The following RPS6KA3 variants were observed in gnomAD, a reference collection of about 807,000 sequenced individuals.
RPS6KA3 encodes the protein ribosomal protein S6 kinase alpha-3.
Under a neutral mutation model 67.2 loss-of-function variants are expected in RPS6KA3, and 4 were observed. That is an observed-to-expected ratio of 0.06 (90% confidence interval 0.03 to 0.14). The LOEUF (loss-of-function observed/expected upper bound fraction) is 0.14. Among genes scored for constraint, RPS6KA3 ranks in the 10% least tolerant of loss-of-function variants. The pLI, the probability that RPS6KA3 is intolerant of heterozygous loss-of-function variation, is 1.00. For synonymous variants in RPS6KA3, 182 were observed against 183.7 expected (o/e 0.99, Z 0.07); for missense variants, 204 against 559.0 (o/e 0.36, Z 6.40).
chrX:20,190,984 T>G (rs540694225), intron 7 of RPS6KA3, among the ~76,000 whole-genome samples: 3 of 110,585 alleles, frequency 2.7e-5, no homozygotes, highest in African/African-American at 9.9e-5. Flanking sequence ...ACCCGTCATT[T>G]ACATTAGGCA....
intron 15 of RPS6KA3, among the ~76,000 whole-genome samples, chrX:20,171,028 C>T (rs1310181815): frequency 8.9e-6 from 1 of 111,995 alleles, no homozygotes; most frequent in Non-Finnish European, 1.9e-5. Flanking sequence ...ATCCTCCCAC[C>T]TCGGCCTCCC....
chrX:20,152,516 G>C lies in RPS6KA3; in HGVS notation c.*2882C>G, dbSNP rs1204786556. The C allele has an allele frequency of 3.6e-5, 4 of 111,900 alleles. No individual in the cohort carries two copies. Among genetic ancestry groups the C allele is most frequent in the Non-Finnish European group, 5.6e-5 (3 of 53,156 alleles). The allele number at this position is 111,900 out of a possible 1,213,427, so 9.2% of individuals were successfully genotyped here. A position where few individuals can be genotyped will look rare whatever the true frequency, so the allele number is the denominator to read the frequency against. ...TTTAAGACTGGACTGATACCTTTTG[G>C]GAGAAGCCTCAGTAACTGGCAGCAC... On this transcript the variant is annotated 3_prime_UTR_variant, in exon 22 of 22. Transcript: ENST00000379565.
chrX:20,176,379 AG>A, intron 12 of RPS6KA3, 27 bp from the exon 13 acceptor site: 2 of 1,119,972 alleles, frequency 1.8e-6, no homozygotes, highest in Non-Finnish European at 2.5e-6. Flanking sequence ...AAAGAGACTT[AG>A]ACATATTTTA....
In RPS6KA3 at chrX:20,195,163, T is replaced by C; in HGVS notation, c.326-18A>G. ...GTCTCGAACTATAAAAGATTGTATG[T>C]ATGCTACATTGTAATATCTTTCAAA... is the stretch of plus-strand genomic sequence containing the variant. On this transcript the variant is annotated intron_variant, in intron 4 of 21. Transcript: ENST00000379565. The C allele has an allele frequency of 1.0e-6, 1 of 998,802 alleles. No homozygotes were observed. Among genetic ancestry groups the C allele is most frequent in the Non-Finnish European group, 1.4e-6 (1 of 702,437 alleles). The allele number at this position is 998,802 out of a possible 1,213,427, so 82.3% of individuals were successfully genotyped here.
At chrX:20,183,414 C>T (rs1045967045) in intron 10 of RPS6KA3, among the ~76,000 whole-genome samples, 4 of 110,822 alleles carry the variant, frequency 3.6e-5, no homozygotes, top group African/African-American at 1.3e-4. Flanking sequence ...GTGATCCTCC[C>T]ACCTCAGCCT....
chrX:20,239,762 A>G (rs925303698), intron 1 of RPS6KA3, among the ~76,000 whole-genome samples: 2 of 111,547 alleles, frequency 1.8e-5, no homozygotes, highest in African/African-American at 6.5e-5. Context: ...ATTATCACCT[A>G]AGATCATCTT....
intron 1 of RPS6KA3, among the ~76,000 whole-genome samples, chrX:20,241,222 C>T (rs957475485): frequency 9.2e-6 from 1 of 108,724 alleles, no homozygotes; most frequent in African/African-American, 3.3e-5. Context: ...GTGGTTGTGG[C>T]CAAGTTTCAG....
chrX:20,176,535 G>C (rs771429540), intron 11 of RPS6KA3, 37 bp from the exon 12 acceptor site: 8 of 904,783 alleles, frequency 8.8e-6, no homozygotes, highest in East Asian at 3.1e-5. Flanking sequence ...TTTATTTCAA[G>C]GAGAAATATA....
intron 2 of RPS6KA3, among the ~76,000 whole-genome samples, chrX:20,226,816 T>C (rs939182263): frequency 8.9e-6 from 1 of 111,841 alleles, no homozygotes; most frequent in South Asian, 3.7e-4. Flanking sequence ...ATACTTTCTC[T>C]TGATTCATCA....
At chrX:20,263,396 G>T (rs901880958) in intron 1 of RPS6KA3, among the ~76,000 whole-genome samples, 1 of 112,287 alleles carries the variant, frequency 8.9e-6, no homozygotes, top group Non-Finnish European at 1.9e-5. Context: ...TCACTAAAGA[G>T]TTCACCTAGA....
At chrX:20,250,405 G>A (rs2069831429) in intron 1 of RPS6KA3, among the ~76,000 whole-genome samples, 1 of 111,290 alleles carries the variant, frequency 9.0e-6, no homozygotes, top group Non-Finnish European at 1.9e-5. Flanking sequence ...ATATTGCCCA[G>A]GCTGGACTTG....
chrX:20,250,382 A>G (rs189879086), intron 1 of RPS6KA3, among the ~76,000 whole-genome samples: 1 of 111,294 alleles, frequency 9.0e-6, no homozygotes, highest in East Asian at 2.8e-4. Flanking sequence ...TTTCCTAGAC[A>G]TAGGGCCTTG....
In RPS6KA3 at chrX:20,208,485, G is replaced by T. The variant is rs72620224; in HGVS notation, c.243+803C>A. On this transcript the variant is annotated intron_variant, in intron 3 of 21. Transcript: ENST00000379565. Reference sequence around the variant, plus strand: ...AATCCCAGCATTTTGGGAGGCCGAGGCAAGTGGATCGCTTTGAGCTCAAGA... The same window carrying T: ...AATCCCAGCATTTTGGGAGGCCGAGTCAAGTGGATCGCTTTGAGCTCAAGA... 7.1e-4 allele frequency among the ~76,000 whole-genome samples: 79 copies of T among 111,628 alleles called. 2 individuals are homozygous for T. In the East Asian group the frequency reaches 0.017, roughly 24 times the overall value.
At chrX:20,162,332 T>A in intron 19 of RPS6KA3, among the ~76,000 whole-genome samples, 1 of 93,707 alleles carries the variant, frequency 1.1e-5, no homozygotes, top group African/African-American at 4.1e-5. Context: ...CAAGACTCCG[T>A]CTCAAAAAAA....
intron 20 of RPS6KA3, among the ~76,000 whole-genome samples, chrX:20,158,195 T>A (rs370135978): frequency 9.3e-6 from 1 of 107,957 alleles, no homozygotes; most frequent in Non-Finnish European, 1.9e-5. Context: ...TGGGACTCCA[T>A]CTCTACAAAA....
At chrX:20,186,733 G>T (rs746662765) in intron 9 of RPS6KA3, among the ~76,000 whole-genome samples, 1 of 111,980 alleles carries the variant, frequency 8.9e-6, no homozygotes, top group South Asian at 3.7e-4. Context: ...GCTGGGATTA[G>T]AGGCATGGGC....
chrX:20,153,700 A>G lies in RPS6KA3; in HGVS notation c.*1698T>C, dbSNP rs979970460. The G allele has an allele frequency of 9.1e-6, 1 of 109,536 alleles. No individual in the cohort carries two copies. Among genetic ancestry groups the G allele is most frequent in the African/African-American group, 3.3e-5 (1 of 29,928 alleles). The allele number at this position is 109,536 out of a possible 1,213,427, so 9.0% of individuals were successfully genotyped here. A position where few individuals can be genotyped will look rare whatever the true frequency, so the allele number is the denominator to read the frequency against. On this transcript the variant is annotated 3_prime_UTR_variant, in exon 22 of 22. Coordinates refer to ENST00000379565, the MANE Select transcript of RPS6KA3 (RefSeq NM_004586.3). ...AATGGTGTGATCTTGGCTCACTGCA[A>G]CCACCACCTCCCAGGTTCAAGCGAT... is the stretch of plus-strand genomic sequence containing the variant.
At chrX:20,181,863 T>C (rs2067850405) in intron 10 of RPS6KA3, among the ~76,000 whole-genome samples, 1 of 111,510 alleles carries the variant, frequency 9.0e-6, no homozygotes, top group Non-Finnish European at 1.9e-5. Flanking sequence ...TTAAAGAGGC[T>C]TTGTGTTGAA....
chrX:20,188,008 T>C (rs1166912250), intron 8 of RPS6KA3, 38 bp from the exon 9 acceptor site: 1 of 1,152,604 alleles, frequency 8.7e-7, no homozygotes, highest in African/African-American at 1.8e-5. Flanking sequence ...TACATAAATT[T>C]GCACATGTAA....
Sources: allele counts gnomAD v4.1 joint callset (sites outside exome capture counted in the v4.1 genomes callset), GRCh38; gene constraint gnomAD v4.1.1; transcripts MANE v1.5; gene names NCBI Gene and HGNC (gene_info 2026-07-23, HGNC 2026-07-21).